The following CDH12 variants were observed in gnomAD, a reference collection of about 807,000 sequenced individuals.
The protein encoded by CDH12 is cadherin 12.
CDH12 carries 41 observed loss-of-function variants against 74.1 expected under a neutral mutation model. The ratio of observed to expected loss-of-function variants is 0.55; its 90% CI spans 0.43 to 0.72. The LOEUF is 0.72. Ranked by LOEUF, CDH12 falls within the 30% of genes least tolerant of loss-of-function variation. The pLI is 0.00. For missense variants in CDH12, 945 were observed against 977.2 expected (o/e 0.97, Z 0.44); for synonymous variants, 399 against 355.0 (o/e 1.12, Z -1.39).
intron 2 of CDH12, among the ~76,000 whole-genome samples, chr5:22,494,206 G>C (rs537024020): frequency 1.3e-5 from 2 of 152,258 alleles, no homozygotes; most frequent in Admixed American, 1.3e-4. Context: ...CGTCTGTGCA[G>C]TTGGTGTGTT....
At chr5:21,895,421 A>G (rs1288770343) in intron 6 of CDH12, among the ~76,000 whole-genome samples, 1 of 152,128 alleles carries the variant, frequency 6.6e-6, no homozygotes, top group East Asian at 1.9e-4. Context: ...CTGTCTTCCT[A>G]TATGTCATTA....
intron 3 of CDH12, among the ~76,000 whole-genome samples, chr5:22,253,639 C>T (rs1249120070): frequency 6.6e-6 from 1 of 151,822 alleles, no homozygotes; most frequent in African/African-American, 2.4e-5. Context: ...CCTTTCTCAA[C>T]ATTCTCTTTC....
chr5:22,373,236 A>G (rs1355406096), intron 3 of CDH12, among the ~76,000 whole-genome samples: 3 of 152,168 alleles, frequency 2.0e-5, no homozygotes, highest in African/African-American at 7.2e-5. Context: ...ATCAGGACAA[A>G]GTAACCTGCT....
intron 2 of CDH12, among the ~76,000 whole-genome samples, chr5:22,453,649 T>A (rs1215314697): frequency 6.6e-6 from 1 of 152,096 alleles, no homozygotes; most frequent in East Asian, 1.9e-4. Flanking sequence ...GAGGAATAGA[T>A]CCTGGTGTTC....
At chr5:22,026,050 T>G (rs1561032353) in intron 5 of CDH12, among the ~76,000 whole-genome samples, 1 of 152,152 alleles carries the variant, frequency 6.6e-6, no homozygotes, top group Non-Finnish European at 1.5e-5. Context: ...CAAATTCCTA[T>G]TAATGTTGGT....
chr5:22,753,211 C>T (rs1022450361), intron 1 of CDH12, among the ~76,000 whole-genome samples: 1 of 151,916 alleles, frequency 6.6e-6, no homozygotes, highest in Non-Finnish European at 1.5e-5. Flanking sequence ...ATTAAGCTTG[C>T]TATGAAACTG....
chr5:21,960,433 C>A (rs2150109566), intron 6 of CDH12, among the ~76,000 whole-genome samples: 1 of 152,210 alleles, frequency 6.6e-6, no homozygotes, highest in Middle Eastern at 3.4e-3. Flanking sequence ...ATTTAGAAAG[C>A]TAAACTGGGG....
At chr5:21,808,304 C>A (rs754642873) in intron 9 of CDH12, among the ~76,000 whole-genome samples, 2 of 152,066 alleles carry the variant, frequency 1.3e-5, no homozygotes, top group Non-Finnish European at 2.9e-5. Flanking sequence ...TTATGACTCA[C>A]TGTAGCCGTG....
chr5:22,320,117 C>T (rs56301532), intron 3 of CDH12, among the ~76,000 whole-genome samples: 11,950 of 152,110 alleles, frequency 0.079, 652 homozygotes, highest in South Asian at 0.16. Flanking sequence ...GAGATTTGTT[C>T]CCCATCACCA....
In CDH12 at chr5:21,916,948, G is replaced by C. The variant is rs546454765; in HGVS notation, c.526+58143C>G. Among the ~76,000 whole-genome samples, 3 of 152,228 alleles carry C rather than the reference G, an allele frequency of 2.0e-5. No homozygotes were observed. In the South Asian group the frequency reaches 6.2e-4, roughly 32 times the overall value. On this transcript the variant is annotated intron_variant, in intron 6 of 14. Transcript: ENST00000382254. ...TAAAATCTCTTGAAAACAGCTGATG[G>C]ACAGCTCCATTTTAGAAGACTAGCA...
intron 3 of CDH12, among the ~76,000 whole-genome samples, chr5:22,293,028 T>C (rs1478094610): frequency 6.6e-6 from 1 of 151,798 alleles, no homozygotes; most frequent in African/African-American, 2.4e-5. Context: ...CCCACATCCA[T>C]TCCCAATCTG....
rs1463034567 is a variant in CDH12, at chr5:21,867,300, A to C, written c.527-12510T>G. Among the ~76,000 whole-genome samples the C allele has an allele frequency of 1.3e-5, 2 of 152,218 alleles. 1 individual carries two copies. The highest frequency in any genetic ancestry group is 4.1e-4 in the South Asian group (2 of 4,836). On this transcript the variant is annotated intron_variant, in intron 6 of 14. Coordinates refer to ENST00000382254, the MANE Select transcript of CDH12 (RefSeq NM_004061.5). ...AACCCAGGAGGCGGAGGTTGCAGTG[A>C]GCTGAGGTCACGCCATTACACTCCA...
chr5:22,162,891 CTTTTTT>C (rs70957097), intron 4 of CDH12, among the ~76,000 whole-genome samples: 1 of 80,526 alleles, frequency 1.2e-5, no homozygotes. Flanking sequence ...TTCCCTCTGA[CTTTTTT>C]TTTTTTTTTT....
Position 22,775,616 on chromosome 5 carries a change from G to A in CDH12, c.-523+77442C>T, listed in dbSNP as rs543182391. On this transcript the variant is annotated intron_variant, in intron 1 of 14. Coordinates refer to ENST00000382254, the MANE Select transcript of CDH12 (RefSeq NM_004061.5). ...GTAAATGTTATAACTTTTCCTTTTC[G>A]GTGAGATTAACAACATTGTGTAGAC... Among the ~76,000 whole-genome samples, 216 of 151,746 alleles carry A rather than the reference G, an allele frequency of 1.4e-3. 1 individual carries two copies. The highest frequency in any genetic ancestry group is 4.8e-3 in the African/African-American group (198 of 41,358).
At chr5:22,770,710 A>G (rs942919514) in intron 1 of CDH12, among the ~76,000 whole-genome samples, 2 of 152,088 alleles carry the variant, frequency 1.3e-5, no homozygotes, top group African/African-American at 4.8e-5. Flanking sequence ...TTGTAGTGTT[A>G]TTATCCCATT....
chr5:21,830,707 G>A (rs549440682), intron 8 of CDH12, among the ~76,000 whole-genome samples: 268 of 151,974 alleles, frequency 1.8e-3, no homozygotes, highest in African/African-American at 6.1e-3. Flanking sequence ...AAAACCCTAG[G>A]CCCTCTGTGC....
intron 3 of CDH12, among the ~76,000 whole-genome samples, chr5:22,323,839 T>C (rs996645732): frequency 6.6e-6 from 1 of 152,298 alleles, no homozygotes; most frequent in South Asian, 2.1e-4. Flanking sequence ...GCTAGAGTTA[T>C]ATCCTAGAGC....
chr5:21,976,114 T>G (rs1305696265), intron 5 of CDH12, among the ~76,000 whole-genome samples: 1 of 152,140 alleles, frequency 6.6e-6, no homozygotes. Context: ...TTTGAATGAG[T>G]TTACCACTAT....
intron 1 of CDH12, among the ~76,000 whole-genome samples, chr5:22,753,745 C>T (rs760921956): frequency 6.6e-6 from 1 of 151,308 alleles, no homozygotes; most frequent in Non-Finnish European, 1.5e-5. Flanking sequence ...TATACATTTG[C>T]GGTTGGGCAG....
Sources: gnomAD v4.1 joint callset for allele counts (sites outside exome capture counted in the v4.1 genomes callset) on GRCh38, gnomAD v4.1.1 for gene constraint, MANE v1.5 for transcripts, NCBI Gene and HGNC (gene_info 2026-07-23, HGNC 2026-07-21) for gene names.